Variants in HIVEP3 observed in about 807,000 individuals in gnomAD.
The protein encoded by HIVEP3 is HIVEP zinc finger 3, also known as transcription factor HIVEP3.
In HIVEP3, 49 loss-of-function variants were observed where a neutral mutation model predicts 152.8. The ratio of observed to expected loss-of-function variants is 0.32; its 90% confidence interval spans 0.26 to 0.41. The LOEUF is 0.41. Ranked by LOEUF, HIVEP3 falls within the 10% of genes least tolerant of loss-of-function variation. The pLI is 1.00. For missense variants in HIVEP3, 2,790 were observed against 3,103.3 expected, an observed-to-expected ratio of 0.90 and a Z score of 2.40; for synonymous variants, 1,269 against 1,289.0, an observed-to-expected ratio of 0.98 and a Z score of 0.33.
At chr1:41,815,657 G>T (rs892118627) in intron 1 of HIVEP3, among the ~76,000 whole-genome samples, 8 of 151,990 alleles carry the variant, frequency 5.3e-5, no homozygotes, top group African/African-American at 1.9e-4. Context: ...CATGGAGGAG[G>T]CTTAGCTTTT....
intron 4 of HIVEP3, 45 bp downstream of exon 4, chr1:41,579,692 G>A: frequency 1.3e-6 from 2 of 1,512,440 alleles, no homozygotes; most frequent in Non-Finnish European, 1.8e-6. Context: ...CTCGCCAAGT[G>A]CTTTTGCAAA....
At chr1:41,544,830 A>ACCACCACCAC (rs1399848772) in intron 5 of HIVEP3, among the ~76,000 whole-genome samples, 8 of 83,540 alleles carry the variant, frequency 9.6e-5, no homozygotes, top group Non-Finnish European at 1.8e-4. Flanking sequence ...TACCACCACC[A>ACCACCACCAC]TCACCACCAC....
Position 41,996,895 on chromosome 1 carries a change from A to C in HIVEP3, n.119+38912T>G, listed in dbSNP as rs61638553. Among the ~76,000 whole-genome samples the C allele has an allele frequency of 7.5e-3, 1,138 of 152,068 alleles. 12 individuals are homozygous for C. Among genetic ancestry groups the C allele is most frequent in the African/African-American group, 0.027 (1,104 of 41,474 alleles). On this transcript the variant is annotated intron_variant and non_coding_transcript_variant, in intron 1 of 3. Transcript: ENST00000489103. ...CATTCCTCGGCCCATGGCCCCTTCT[A>C]CCATCTTTGAAGGCAGCAGCATAGC...
chr1:41,507,811 G>C lies in HIVEP3; in HGVS notation c.*2640C>G, dbSNP rs562979574. The C allele has an allele frequency of 6.6e-6, 1 of 152,318 alleles. No individual in the cohort carries two copies. Among genetic ancestry groups the C allele is most frequent in the East Asian group, 1.9e-4 (1 of 5,202 alleles). 9.4% of individuals were successfully genotyped at this position (152,318 alleles called of 1,614,324 possible). ...GCGGGACTAGAGTCCGGAGGAGGGGGTTAGAGCTGTGCCCAGTGACATATA... is the reference window on the plus strand; with the variant it reads ...GCGGGACTAGAGTCCGGAGGAGGGGCTTAGAGCTGTGCCCAGTGACATATA... On this transcript the variant is annotated 3_prime_UTR_variant, in exon 9 of 9. Transcript: ENST00000372583.
upstream of HIVEP3, among the ~76,000 whole-genome samples, chr1:41,922,012 A>G (rs532960846): frequency 1.1e-4 from 17 of 152,356 alleles, no homozygotes; most frequent in African/African-American, 3.6e-4. Flanking sequence ...AGAATATCCA[A>G]TCAATATTAG....
Position 41,521,798 on chromosome 1 carries a change from C to T in HIVEP3, c.5383+2937G>A, listed in dbSNP as rs576780741. Among the ~76,000 whole-genome samples the T allele has an allele frequency of 2.2e-3, 338 of 152,372 alleles. 1 individual carries two copies. Among genetic ancestry groups the T allele is most frequent in the Non-Finnish European group, 3.5e-3 (238 of 68,042 alleles). On this transcript the variant is annotated intron_variant, in intron 6 of 8. Transcript: ENST00000372583. ...ATTTGGCTTTGATCAACCGCTCTGTCCCTGCCCCTGCCGCTGGCAGACCTG... is the reference window on the plus strand; with the variant it reads ...ATTTGGCTTTGATCAACCGCTCTGTTCCTGCCCCTGCCGCTGGCAGACCTG...
chr1:41,830,647 G>C (rs1642932796), intron 1 of HIVEP3, among the ~76,000 whole-genome samples: 1 of 152,200 alleles, frequency 6.6e-6, no homozygotes, highest in Admixed American at 6.5e-5. Flanking sequence ...CGCAATGTGG[G>C]ACAACTCTAA....
chr1:41,583,201 G>A lies in HIVEP3; in HGVS notation c.1597C>T (p.Pro533Ser). 1 of 1,610,662 alleles carries A rather than the reference G, an allele frequency of 6.2e-7. No homozygotes were observed. ...LSLQHPPSTA[P>S]PVPLLRSHSM... ...TGGCTTCTCAGGAGAGGCACAGGGGGGGCGGTACTGGGCGGGTGCTGGAGG... is the reference window on the plus strand; with the variant it reads ...TGGCTTCTCAGGAGAGGCACAGGGGAGGCGGTACTGGGCGGGTGCTGGAGG... The change falls in exon 4 of 9, where the codon CCC becomes TCC. Residue 533 changes from proline to serine, a missense_variant. By Grantham distance (74) the Pro-to-Ser change is moderately conservative. This residue lies in a region of HIVEP3 where 339 missense variants were observed against 327.0 expected (regional missense o/e 1.04). Transcript: ENST00000372583. This position sits in a 1 kb window ranked among gnomAD's most constrained non-coding sequence, Gnocchi z 6.9.
intron 3 of HIVEP3, among the ~76,000 whole-genome samples, chr1:41,626,417 T>C (rs1645118424): frequency 6.6e-6 from 1 of 152,178 alleles, no homozygotes; most frequent in Non-Finnish European, 1.5e-5. Context: ...CTCATTTCCC[T>C]CTGGGCAAGT....
chr1:41,866,726 T>A (rs190928019), intron 1 of HIVEP3, among the ~76,000 whole-genome samples: 320 of 152,280 alleles, frequency 2.1e-3, no homozygotes, highest in Non-Finnish European at 3.4e-3. Flanking sequence ...CATCCGACCA[T>A]CAGGCACTCA....
chr1:41,990,282 G>T (rs377543025), intron 1 of HIVEP3, among the ~76,000 whole-genome samples: 6 of 148,194 alleles, frequency 4.0e-5, no homozygotes, highest in African/African-American at 1.5e-4. Flanking sequence ...GGTTTCTGCT[G>T]AGAGATCTGC....
chr1:41,569,692 A>G (rs1644223647), intron 5 of HIVEP3, among the ~76,000 whole-genome samples: 1 of 152,198 alleles, frequency 6.6e-6, no homozygotes, highest in Non-Finnish European at 1.5e-5. Flanking sequence ...TCTCCAAGCT[A>G]CTATTTCATG....
chr1:41,985,028 A>C (rs1645314186), intron 1 of HIVEP3, among the ~76,000 whole-genome samples: 1 of 151,896 alleles, frequency 6.6e-6, no homozygotes, highest in Non-Finnish European at 1.5e-5. Flanking sequence ...GGCCCTTCCC[A>C]GGGGATGACT....
In HIVEP3 at chr1:41,583,853, C is replaced by T. The variant is rs1418688151; in HGVS notation, c.945G>A (p.Gly315=). 6.2e-7 allele frequency: 1 copy of T among 1,611,748 alleles called. No homozygotes were observed. The highest frequency in any genetic ancestry group is 1.3e-5 in the African/African-American group (1 of 74,840). Residue 315 remains glycine (G), a synonymous_variant, in exon 4 of 9, where the codon GGG becomes GGA. Coordinates refer to ENST00000372583, the MANE Select transcript of HIVEP3 (RefSeq NM_024503.5). The surrounding 1 kb of genome is among the most constrained non-coding windows in gnomAD (Gnocchi z 6.9). The part of the protein sequence containing the change: ...PLLSSGLYSS[G]SHSSSHERCS... ...AGCGTTCGTGGCTGGAACTGTGGCTCCCAGAGCTGTATAGCCCGCTGGAGA... is the reference window on the plus strand; with the variant it reads ...AGCGTTCGTGGCTGGAACTGTGGCTTCCAGAGCTGTATAGCCCGCTGGAGA...
chr1:42,030,792 T>G (rs935410049), intron 1 of HIVEP3, among the ~76,000 whole-genome samples: 4 of 152,228 alleles, frequency 2.6e-5, no homozygotes, highest in Non-Finnish European at 5.9e-5. Flanking sequence ...GTGTCTAAGA[T>G]ATAGGTAAAT....
intron 1 of HIVEP3, among the ~76,000 whole-genome samples, chr1:41,831,121 C>T (rs1261338187): frequency 6.6e-6 from 1 of 152,178 alleles, no homozygotes; most frequent in Non-Finnish European, 1.5e-5. Context: ...AAATACCTTG[C>T]TATACTGCTC....
chr1:41,940,737 T>C (rs990317028), intron 1 of HIVEP3, among the ~76,000 whole-genome samples: 9 of 150,966 alleles, frequency 6.0e-5, no homozygotes, highest in Admixed American at 1.3e-4. Context: ...AAGAAAAAAA[T>C]TGAGAATGAA....
intron 2 of HIVEP3, among the ~76,000 whole-genome samples, chr1:41,695,954 G>A (rs191833495): frequency 1.3e-3 from 202 of 152,236 alleles, no homozygotes; most frequent in Admixed American, 5.0e-3. Flanking sequence ...CCACATCCAC[G>A]GTCAAGTCCC....
At chr1:41,785,596 T>C (rs1347428981) in intron 1 of HIVEP3, among the ~76,000 whole-genome samples, 2 of 152,232 alleles carry the variant, frequency 1.3e-5, no homozygotes, top group African/African-American at 4.8e-5. Context: ...TATTTATTGG[T>C]GTGAGAAATT....
Sources: allele counts gnomAD v4.1 joint callset (sites outside exome capture counted in the v4.1 genomes callset), GRCh38; gene constraint gnomAD v4.1.1; regional missense constraint gnomAD v4.1.1; non-coding constraint Gnocchi (gnomAD v3.1); transcripts MANE v1.5; gene names NCBI Gene and HGNC (gene_info 2026-07-23, HGNC 2026-07-21).